The following LLGL1 variants were observed in gnomAD, a reference collection of about 807,000 sequenced individuals.
The protein encoded by LLGL1 is lethal(2) giant larvae protein homolog 1.
In LLGL1, 58 loss-of-function variants were observed where a neutral mutation model predicts 110.6. The ratio of observed to expected loss-of-function variants is 0.52; its 90% CI spans 0.42 to 0.65. LLGL1 has a LOEUF of 0.65. LLGL1 is among the 30% of genes least tolerant of loss of function. The pLI is 0.00. For missense variants in LLGL1, 1,229 were observed against 1,462.1 expected, an observed-to-expected ratio of 0.84 and a Z score of 2.60; for synonymous variants, 674 against 607.2, an observed-to-expected ratio of 1.11 and a Z score of -1.62.
Position 18,240,853 on chromosome 17 carries a change from G to A in LLGL1, c.2482G>A (p.Ala828Thr), listed in dbSNP as rs769047769. 9.1e-6 allele frequency: 14 copies of A among 1,541,634 alleles called. No homozygotes were observed. The East Asian group carries it at 1.2e-4, about 13-fold the overall frequency. Residue 828 changes from alanine (A) to threonine (T), a missense_variant, in exon 17 of 23, where the codon GCA (alanine) becomes ACA (threonine). By Grantham distance (58) the Ala-to-Thr change is moderately conservative. Coordinates refer to ENST00000316843, the MANE Select transcript of LLGL1 (RefSeq NM_004140.4). This position sits in a 1 kb window ranked among gnomAD's most constrained non-coding sequence, Gnocchi z 5.3. ...DMQGGHAVLIASEEQFKVFTL... is the reference protein window; with the variant it reads ...DMQGGHAVLITSEEQFKVFTL... ...GCAGGGTGGTCACGCTGTGCTCATC[G>A]CATCTGAGGAGCAGTTCAAGGTGAG...
intron 16 of LLGL1, among the ~76,000 whole-genome samples, chr17:18,239,019 C>G (rs934192903): frequency 1.3e-4 from 20 of 152,240 alleles, no homozygotes; most frequent in African/African-American, 4.6e-4. Flanking sequence ...AGAAAAAAAG[C>G]TTACCATCCA....
chr17:18,241,979 C>T lies in LLGL1; in HGVS notation c.2862C>T (p.Pro954=), dbSNP rs1395123586. The T allele has an allele frequency of 1.2e-6, 2 of 1,614,018 alleles. No homozygotes were observed. The highest frequency in any genetic ancestry group is 4.5e-5 in the East Asian group (2 of 44,878). Residue 954 remains proline (P), a synonymous_variant, in exon 19 of 23, where the codon CCC becomes CCT. Coordinates refer to ENST00000316843, the MANE Select transcript of LLGL1 (RefSeq NM_004140.4). The part of the protein sequence containing the change: ...EPLCSLDINW[P]RDATQASYRI... ...TCTGCTCTCTGGACATTAACTGGCCCCGCGATGCCACCCAGGCCAGGTGTG... is the reference window on the plus strand; with the variant it reads ...TCTGCTCTCTGGACATTAACTGGCCTCGCGATGCCACCCAGGCCAGGTGTG...
chr17:18,234,675 A>G lies in LLGL1; in HGVS notation c.877A>G (p.Lys293Glu). ...YGPFPCKAIN[K>E]ILWRNCESGG... ...CCCCTTTCCCTGCAAGGCCATTAAC[A>G]AGATTCTGTGGCGGAACTGTGAATC... The change falls in exon 8 of 23, where the codon AAG (lysine) becomes GAG (glutamate). Residue 293 changes from lysine (K) to glutamate (E), a missense_variant. Coordinates refer to ENST00000316843, the MANE Select transcript of LLGL1 (RefSeq NM_004140.4). 2 of 1,614,076 alleles carry G rather than the reference A, an allele frequency of 1.2e-6. No individual in the cohort carries two copies. The highest frequency in any genetic ancestry group is 1.7e-6 in the Non-Finnish European group (2 of 1,179,994).
At chr17:18,225,963 G>A (rs2047429769) in intron 1 of LLGL1, among the ~76,000 whole-genome samples, 200 bp downstream of exon 1, 1 of 151,748 alleles carries the variant, frequency 6.6e-6, no homozygotes, top group Non-Finnish European at 1.5e-5. Flanking sequence ...CTGGGTCTCC[G>A]GCCGACTTTC....
In LLGL1 at chr17:18,236,245, T is replaced by A. The variant is rs2047692114; in HGVS notation, c.1353-362T>A. The A allele has an allele frequency of 4.3e-5, 10 of 231,946 alleles. No homozygotes were observed. The South Asian group carries it at 7.7e-4, about 18-fold the overall frequency. The allele number at this position is 231,946 out of a possible 1,614,324, so 14.4% of individuals were successfully genotyped here. A position where few individuals can be genotyped will look rare whatever the true frequency, so the allele number is the denominator to read the frequency against. ...CTCCCCCGGGATGCCCCATGCTCTG[T>A]TCTGTGACTGCCTTACTCTTGATCA... On this transcript the variant is annotated intron_variant, in intron 11 of 22. Transcript: ENST00000316843.
intron 2 of LLGL1, 70 bp downstream of exon 2, chr17:18,230,108 G>T (rs1299795018): frequency 1.0e-5 from 13 of 1,242,002 alleles, no homozygotes; most frequent in Non-Finnish European, 1.5e-5. Context: ...GTGCTCTGGG[G>T]TCCCAGTCTT....
In LLGL1 at chr17:18,225,646, G is replaced by C. The variant is rs2047418885; in HGVS notation, c.-37G>C. Reference sequence around the variant, plus strand: ...GGGCCGCGCGGCGCATCCTGCGGGCGGCGGCGGCGGGCGAGGCGCCTGCAG... The same window carrying C: ...GGGCCGCGCGGCGCATCCTGCGGGCCGCGGCGGCGGGCGAGGCGCCTGCAG... On this transcript the variant is annotated 5_prime_UTR_variant, in exon 1 of 23. Coordinates refer to ENST00000316843, the MANE Select transcript of LLGL1 (RefSeq NM_004140.4). 1.0e-6 allele frequency: 1 copy of C among 956,506 alleles called. No individual in the cohort carries two copies. Among genetic ancestry groups the C allele is most frequent in the Non-Finnish European group, 1.2e-6 (1 of 805,052 alleles). The allele number at this position is 956,506 out of a possible 1,614,324, so 59.3% of individuals were successfully genotyped here.
intron 11 of LLGL1, 75 bp downstream of exon 11, chr17:18,235,612 C>T: frequency 6.9e-7 from 1 of 1,455,250 alleles, no homozygotes; most frequent in Non-Finnish European, 9.4e-7. Flanking sequence ...CTGGTGGGTG[C>T]AGAGGTGCCA....
chr17:18,238,641 A>G (rs781767468), intron 16 of LLGL1, 32 bp downstream of exon 16: 2 of 1,588,534 alleles, frequency 1.3e-6, no homozygotes, highest in Non-Finnish European at 1.7e-6. Flanking sequence ...GGACAGGGCA[A>G]GGGTTGGGGG....
In LLGL1 at chr17:18,234,938, C is replaced by G; in HGVS notation, c.1005C>G (p.Asp335Glu). The G allele has an allele frequency of 6.2e-7, 1 of 1,614,146 alleles. No homozygotes were observed. The highest frequency in any genetic ancestry group is 8.5e-7 in the Non-Finnish European group (1 of 1,180,010). Reference sequence around the variant, plus strand: ...GAGCCGAGACATTGGTGACGCTGGACTTCACTTCCCGCATCATCGACTTCT... The same window carrying G: ...GAGCCGAGACATTGGTGACGCTGGAGTTCACTTCCCGCATCATCGACTTCT... ...VLRAETLVTL[D>E]FTSRIIDFFT... Residue 335 changes from aspartate to glutamate, a missense_variant, in exon 9 of 23, where the codon GAC becomes GAG. Physicochemically the swap from Asp to Glu is conservative, Grantham distance 45 (BLOSUM62 2). Transcript: ENST00000316843.
At position 18,242,552 on chromosome 17, in the gene LLGL1, G is replaced by A. The variant is rs774490299; in HGVS notation, c.3040G>A (p.Asp1014Asn). ...GGCTGCACTCTCACCCATGTCCATC[G>A]ACTCAGCCACCAGTGCTGACACCAC... Reference protein sequence around the residue: ...PEAALSPMSIDSATSADTTLD... With the variant: ...PEAALSPMSINSATSADTTLD... The change falls in exon 21 of 23, where the codon GAC becomes AAC. Residue 1014 changes from aspartate to asparagine, a missense_variant. Physicochemically the swap from Asp to Asn is conservative, Grantham distance 23. Coordinates refer to ENST00000316843, the MANE Select transcript of LLGL1 (RefSeq NM_004140.4). 5.7e-5 allele frequency: 92 copies of A among 1,613,940 alleles called. No individual in the cohort carries two copies. Among genetic ancestry groups the A allele is most frequent in the Admixed American group, 5.0e-5 (3 of 59,998 alleles).
intron 4 of LLGL1, among the ~76,000 whole-genome samples, 191 bp from the exon 5 acceptor site, chr17:18,233,587 C>A (rs556356204): frequency 6.6e-6 from 1 of 152,192 alleles, no homozygotes; most frequent in South Asian, 2.1e-4. Context: ...ATCCATCTCC[C>A]TGCTGACATC....
At chr17:18,243,543 C>T (rs1015707543) in intron 22 of LLGL1, among the ~76,000 whole-genome samples, 25 of 152,240 alleles carry the variant, frequency 1.6e-4, no homozygotes, top group African/African-American at 6.0e-4. Context: ...AAGTGGCTGA[C>T]TTACCCCTGC....
At chr17:18,243,686 TTGTC>T (rs1373561165) in intron 22 of LLGL1, among the ~76,000 whole-genome samples, 3 of 151,934 alleles carry the variant, frequency 2.0e-5, no homozygotes, top group Non-Finnish European at 4.4e-5. Flanking sequence ...TCCCAGCTCT[TTGTC>T]TGGTGCCTCT....
Position 18,242,226 on chromosome 17 carries a change from G to T in LLGL1, c.2943G>T (p.Leu981=), listed in dbSNP as rs573297397. 3.1e-5 allele frequency: 50 copies of T among 1,614,118 alleles called. 1 individual carries two copies. Among genetic ancestry groups the T allele is most frequent in the South Asian group, 3.0e-4 (27 of 91,078 alleles). ...CTAACGGGACCCCAAGCATCCTGCT[G>T]GCCCCACAGAGCCTTGATGGAAGCC... ...SQANGTPSIL[L]APQSLDGSPD... The change falls in exon 20 of 23, where the codon CTG becomes CTT. Residue 981 remains leucine, a synonymous_variant. Transcript: ENST00000316843.
chr17:18,234,971 G>A lies in LLGL1; in HGVS notation c.1038G>A (p.Val346=), dbSNP rs1440993965. ...FTSRIIDFFT[V]HSTRPEDEFD... ...CCCGCATCATCGACTTCTTCACAGT[G>A]CACAGCACACGGCCCGAGGATGGTG... The change falls in exon 9 of 23, where the codon GTG becomes GTA. Residue 346 remains valine, a synonymous_variant. Transcript: ENST00000316843. 3 of 1,613,954 alleles carry A rather than the reference G, an allele frequency of 1.9e-6. No homozygotes were observed. The highest frequency in any genetic ancestry group is 4.5e-5 in the East Asian group (2 of 44,880).
intron 1 of LLGL1, among the ~76,000 whole-genome samples, chr17:18,227,140 C>T (rs1041835600): frequency 6.6e-6 from 1 of 152,068 alleles, no homozygotes; most frequent in African/African-American, 2.4e-5. Flanking sequence ...GACGGCTGGA[C>T]CTGGAGTAGT....
In LLGL1 at chr17:18,238,106, T is replaced by C. The variant is rs762295865; in HGVS notation, c.1944T>C (p.Gly648=). 6.2e-7 allele frequency: 1 copy of C among 1,613,766 alleles called. No homozygotes were observed. The highest frequency in any genetic ancestry group is 8.5e-7 in the Non-Finnish European group (1 of 1,179,986). ...LHPNDSLAME[G]PLSRVKSLKK... ...CCAATGACTCCCTGGCCATGGAGGGTCCGCTCTCCCGGGTGAAGTCTCTCA... is the reference window on the plus strand; with the variant it reads ...CCAATGACTCCCTGGCCATGGAGGGCCCGCTCTCCCGGGTGAAGTCTCTCA... Residue 648 remains glycine, a synonymous_variant, in exon 15 of 23, where the codon GGT becomes GGC. Transcript: ENST00000316843.
At chr17:18,236,485 G>T in intron 11 of LLGL1, 122 bp from the exon 12 acceptor site, 1 of 969,246 alleles carries the variant, frequency 1.0e-6, no homozygotes, top group Non-Finnish European at 1.5e-6. Flanking sequence ...GTAAAAGTAG[G>T]ATTCCGGTCA....
Sources: allele counts gnomAD v4.1 joint callset (sites outside exome capture counted in the v4.1 genomes callset), GRCh38; gene constraint gnomAD v4.1.1; non-coding constraint Gnocchi (gnomAD v3.1); transcripts MANE v1.5; gene names NCBI Gene and HGNC (gene_info 2026-07-23, HGNC 2026-07-21).